ERC2: variants seen among roughly 807,000 people sequenced by gnomAD.
ERC2 encodes the protein ELKS/RAB6-interacting/CAST family member 2.
ERC2 carries 42 observed loss-of-function variants against 114.8 expected under a neutral mutation model. The ratio of observed to expected loss-of-function variants is 0.37; its 90% CI spans 0.29 to 0.47. ERC2 has a LOEUF of 0.47. Among genes scored for constraint, ERC2 ranks in the 20% least tolerant of loss-of-function variants. The pLI is 0.99. For synonymous variants in ERC2, 454 were observed against 425.5 expected (o/e 1.07, Z -0.82); for missense variants, 939 against 1,150.7 (o/e 0.82, Z 2.66).
intron 14 of ERC2, among the ~76,000 whole-genome samples, chr3:55,748,350 A>G (rs2066439815): frequency 6.6e-6 from 1 of 152,186 alleles, no homozygotes; most frequent in Non-Finnish European, 1.5e-5. Context: ...CATTCACCAC[A>G]TATTTACTGA....
intron 3 of ERC2, among the ~76,000 whole-genome samples, chr3:56,254,903 T>C (rs1322853246): frequency 1.3e-5 from 2 of 152,190 alleles, no homozygotes; most frequent in Non-Finnish European, 2.9e-5. Flanking sequence ...GTCACTAATG[T>C]GAAAAAAGAA....
At chr3:55,819,510 A>C (rs761756509) in intron 14 of ERC2, among the ~76,000 whole-genome samples, 3 of 152,242 alleles carry the variant, frequency 2.0e-5, no homozygotes, top group Non-Finnish European at 4.4e-5. Flanking sequence ...TTGACTGCTT[A>C]ATCTGAGAAG....
intron 17 of ERC2, among the ~76,000 whole-genome samples, chr3:55,532,051 C>A (rs1457353977): frequency 6.6e-6 from 1 of 152,226 alleles, no homozygotes; most frequent in Non-Finnish European, 1.5e-5. Flanking sequence ...AATAGAGCTA[C>A]ACAAGATCTT....
chr3:56,228,551 G>C (rs1190949123), intron 3 of ERC2, among the ~76,000 whole-genome samples: 1 of 152,138 alleles, frequency 6.6e-6, no homozygotes, highest in Non-Finnish European at 1.5e-5. Context: ...TTTTAAGTCT[G>C]AATAATATTC....
At chr3:55,941,919 A>G in intron 13 of ERC2, among the ~76,000 whole-genome samples, 1 of 152,232 alleles carries the variant, frequency 6.6e-6, no homozygotes, top group East Asian at 1.9e-4. Flanking sequence ...AGGAAATGAT[A>G]GAATATCCTG....
rs187577067 is a variant in ERC2, at chr3:55,635,704, T to C, written c.*39+48090A>G. On this transcript the variant is annotated intron_variant, in intron 17 of 17. Transcript: ENST00000288221. ...CTGCGCCCAGCCTCAGATGATTTTC[T>C]GATATCATTTAAAGCAACTAGAGTT... Among the ~76,000 whole-genome samples, 43 of 152,064 alleles carry C rather than the reference T, an allele frequency of 2.8e-4. No individual in the cohort carries two copies. In the East Asian group the frequency reaches 4.9e-3, roughly 17 times the overall value.
chr3:55,972,591 T>C (rs904914318), intron 12 of ERC2, among the ~76,000 whole-genome samples: 4 of 152,228 alleles, frequency 2.6e-5, no homozygotes, highest in African/African-American at 4.8e-5. Flanking sequence ...TCCAAGCCCC[T>C]GCAAAGGACA....
chr3:56,216,598 A>T (rs2049492140), intron 3 of ERC2, among the ~76,000 whole-genome samples: 1 of 152,212 alleles, frequency 6.6e-6, no homozygotes, highest in South Asian at 2.1e-4. Flanking sequence ...TTCTGAAACT[A>T]TTCCCATCAA....
At chr3:56,086,454 C>CT (rs1182024230) in intron 6 of ERC2, among the ~76,000 whole-genome samples, 1 of 149,662 alleles carries the variant, frequency 6.7e-6, no homozygotes, top group Non-Finnish European at 1.5e-5. Context: ...TTCACTCTGT[C>CT]TTTAAAGTTT....
intron 14 of ERC2, among the ~76,000 whole-genome samples, chr3:55,778,467 T>C (rs2068779320): frequency 6.6e-6 from 1 of 152,210 alleles, no homozygotes; most frequent in Non-Finnish European, 1.5e-5. Flanking sequence ...TTTCAAACTC[T>C]TGGCATGGGG....
At chr3:56,333,555 T>G (rs971406519) in intron 2 of ERC2, among the ~76,000 whole-genome samples, 53 of 152,292 alleles carry the variant, frequency 3.5e-4, no homozygotes, top group African/African-American at 1.2e-3. Context: ...TAAAAATAAT[T>G]GTTAGTTCAT....
At chr3:56,015,617 G>A (rs1160611241) in intron 8 of ERC2, among the ~76,000 whole-genome samples, 1 of 152,088 alleles carries the variant, frequency 6.6e-6, no homozygotes, top group Non-Finnish European at 1.5e-5. Flanking sequence ...ATCATTGATG[G>A]ACATTTGGGT....
At chr3:55,722,298 T>C (rs985053448) in intron 15 of ERC2, among the ~76,000 whole-genome samples, 1 of 152,074 alleles carries the variant, frequency 6.6e-6, no homozygotes, top group Non-Finnish European at 1.5e-5. Context: ...CCCCACCTTG[T>C]CAACTTAGCA....
chr3:56,445,754 CAGAGCCTT>C (rs111608774), intron 1 of ERC2, among the ~76,000 whole-genome samples: 10 of 152,310 alleles, frequency 6.6e-5, no homozygotes, highest in African/African-American at 2.2e-4. Context: ...CTTCCTGTCT[CAGAGCCTT>C]CACTCCTGCT....
At chr3:56,195,960 G>T (rs2048076370) in intron 3 of ERC2, among the ~76,000 whole-genome samples, 1 of 152,176 alleles carries the variant, frequency 6.6e-6, no homozygotes, top group African/African-American at 2.4e-5. Flanking sequence ...GACAAAGGAG[G>T]CCAGGGGAGC....
chr3:56,010,256 T>C lies in ERC2; in HGVS notation c.1920+193A>G, dbSNP rs77874681. On this transcript the variant is annotated intron_variant, in intron 9 of 17. Transcript: ENST00000288221. Reference sequence around the variant, plus strand: ...GTTAGCAGAGCAGAGAAGATAGGCATAGGGCATCACAGATGAAGGAAGTTA... The same window carrying C: ...GTTAGCAGAGCAGAGAAGATAGGCACAGGGCATCACAGATGAAGGAAGTTA... 5.0e-3 allele frequency among the ~76,000 whole-genome samples: 753 copies of C among 151,924 alleles called. 8 individuals carry two copies. The highest frequency in any genetic ancestry group is 0.017 in the African/African-American group (717 of 41,316).
intron 1 of ERC2, among the ~76,000 whole-genome samples, chr3:56,436,478 T>C (rs1470279352): frequency 6.6e-6 from 1 of 152,040 alleles, no homozygotes; most frequent in Non-Finnish European, 1.5e-5. Context: ...ATTCATCCCT[T>C]CCCCCTCTCC....
chr3:56,299,024 T>A lies in ERC2; in HGVS notation c.658-2589A>T, dbSNP rs528494265. Among the ~76,000 whole-genome samples the A allele has an allele frequency of 9.2e-5, 14 of 151,804 alleles. No homozygotes were observed. The South Asian group carries it at 2.7e-3, about 29-fold the overall frequency. On this transcript the variant is annotated intron_variant, in intron 2 of 17. Transcript: ENST00000288221. Reference sequence around the variant, plus strand: ...GCTGCAGCCAAGACTCTTGAAAGAGTGCTTTGGCAACTGTCTTTGAGGCAT... The same window carrying A: ...GCTGCAGCCAAGACTCTTGAAAGAGAGCTTTGGCAACTGTCTTTGAGGCAT...
At chr3:55,697,384 T>C (rs942159584) in intron 16 of ERC2, among the ~76,000 whole-genome samples, 4 of 152,030 alleles carry the variant, frequency 2.6e-5, no homozygotes, top group Admixed American at 6.5e-5. Context: ...GTGAGAAACA[T>C]GTGCCAAAGG....
Sources: allele counts gnomAD v4.1 joint callset (sites outside exome capture counted in the v4.1 genomes callset), GRCh38; gene constraint gnomAD v4.1.1; transcripts MANE v1.5; gene names NCBI Gene and HGNC (gene_info 2026-07-23, HGNC 2026-07-21).